FBN2: variants seen among roughly 807,000 people sequenced by gnomAD.
FBN2 encodes the protein fibrillin 2, also known as fibrillin-2.
In FBN2, 105 loss-of-function variants were observed where a neutral mutation model predicts 355.6. That is an observed-to-expected ratio of 0.30 (90% confidence interval 0.25 to 0.35). FBN2 has a LOEUF of 0.35. Ranked by LOEUF, FBN2 falls within the 10% of genes least tolerant of loss-of-function variation. The pLI is 1.00. For missense variants in FBN2, 3,280 were observed against 3,758.7 expected (o/e 0.87, Z 3.33); for synonymous variants, 1,350 against 1,301.2 (o/e 1.04, Z -0.81).
In FBN2 at chr5:128,482,602, A is replaced by G. The variant is rs545854534; in HGVS notation, c.629-17681T>C. On this transcript the variant is annotated intron_variant, in intron 5 of 64. Coordinates refer to ENST00000262464, the MANE Select transcript of FBN2 (RefSeq NM_001999.4). ...GAGGTGGAGTTTATGGGGAGCTATC[A>G]TTTTTTGCATGTGTGTCTGCATTTA... Among the ~76,000 whole-genome samples, 34 of 152,132 alleles carry G rather than the reference A, an allele frequency of 2.2e-4. 1 individual carries two copies. In the Middle Eastern group the frequency reaches 0.024, roughly 107 times the overall value.
At chr5:128,458,524 T>G (rs1267950163) in intron 6 of FBN2, among the ~76,000 whole-genome samples, 2 of 151,572 alleles carry the variant, frequency 1.3e-5, no homozygotes, top group Non-Finnish European at 2.9e-5. Context: ...CAGTGCCACT[T>G]ATTCTAAAAT....
intron 8 of FBN2, 105 bp downstream of exon 8, chr5:128,408,569 G>T: frequency 7.5e-7 from 1 of 1,331,554 alleles, no homozygotes; most frequent in South Asian, 1.2e-5. Flanking sequence ...AACTCATTCA[G>T]CCATTTCTTC....
intron 8 of FBN2, among the ~76,000 whole-genome samples, chr5:128,396,642 C>T (rs1752657404): frequency 6.6e-6 from 1 of 152,194 alleles, no homozygotes; most frequent in South Asian, 2.1e-4. Context: ...ATGATGATTG[C>T]AAAAGACTGC....
rs773597432 is a variant in FBN2 at position 128,311,895 on chromosome 5, G to A, written c.4938C>T (p.Ile1646=). Residue 1646 remains isoleucine (I), a synonymous_variant, in exon 38 of 65, where the codon ATC becomes ATT. Coordinates refer to ENST00000262464, the MANE Select transcript of FBN2 (RefSeq NM_001999.4). ...ATGGGATTAGCTCACCTTCTAAAAT[G>A]ATTGTGATGGGGTTAGGTCTGAAGC... ...GEGFRPNPIT[I]ILEDIDECQE... The A allele has an allele frequency of 2.5e-6, 4 of 1,608,606 alleles. No homozygotes were observed. Among genetic ancestry groups the A allele is most frequent in the Non-Finnish European group, 3.4e-6 (4 of 1,175,110 alleles).
intron 11 of FBN2, among the ~76,000 whole-genome samples, chr5:128,379,183 A>G (rs913046830): frequency 1.3e-5 from 2 of 152,200 alleles, no homozygotes; most frequent in African/African-American, 2.4e-5. Flanking sequence ...TGCCCTGAAA[A>G]GAGAAATAGG....
chr5:128,285,388 T>A (rs1008415794), intron 55 of FBN2, among the ~76,000 whole-genome samples: 5 of 152,164 alleles, frequency 3.3e-5, no homozygotes, highest in Non-Finnish European at 2.9e-5. Context: ...TTTGTGATGA[T>A]CAAAAAAATT....
In FBN2 at chr5:128,278,626, A is replaced by G. The variant is rs1212635601; in HGVS notation, c.7345+9T>C. The stretch of plus-strand genomic sequence containing the variant: ...TTGATTATATGAATAAATTTCCTCA[A>G]CTCCTTACCTCTTCCATCAGTTGTA... On this transcript the variant is annotated intron_variant, in intron 57 of 64. Coordinates refer to ENST00000262464, the MANE Select transcript of FBN2 (RefSeq NM_001999.4). 20 of 1,612,142 alleles carry G rather than the reference A, an allele frequency of 1.2e-5. No individual in the cohort carries two copies. The highest frequency in any genetic ancestry group is 1.6e-5 in the Non-Finnish European group (19 of 1,178,350).
chr5:128,310,357 C>T (rs1750000176), intron 39 of FBN2, among the ~76,000 whole-genome samples: 1 of 127,272 alleles, frequency 7.9e-6, no homozygotes, highest in Non-Finnish European at 1.6e-5. Context: ...AAAATAATTT[C>T]CTTGGCACAT....
Position 128,408,787 on chromosome 5 carries a change from C to T in FBN2, c.965G>A (p.Cys322Tyr). ...TTCACATATCCCAGGAATGATGCTG[C>T]ACTCATCAATGTCTAATCAAGGGAA... The part of the protein sequence containing the change: ...TTQKCEDIDE[C>Y]SIIPGICETG... Residue 322 changes from cysteine to tyrosine, a missense_variant, in exon 8 of 65, where the codon TGC becomes TAC. Physicochemically the swap from Cys to Tyr is radical, Grantham distance 194. Transcript: ENST00000262464. 6.2e-7 allele frequency: 1 copy of T among 1,613,920 alleles called. No homozygotes were observed. Among genetic ancestry groups the T allele is most frequent in the Non-Finnish European group, 8.5e-7 (1 of 1,179,828 alleles).
rs752508087 is a variant in FBN2, at chr5:128,307,188, A to G, written c.5369T>C (p.Ile1790Thr). The change falls in exon 42 of 65, where the codon ATA becomes ACA. Residue 1790 changes from isoleucine (I) to threonine (T), a missense_variant. Ile to Thr is a moderately conservative substitution (Grantham distance 89). This residue lies in a region of FBN2 where 2,284 missense variants were observed against 2,749.5 expected (regional missense o/e 0.83). Coordinates refer to ENST00000262464, the MANE Select transcript of FBN2 (RefSeq NM_001999.4). Reference protein sequence around the residue: ...PTPGTADFKTICGNIPGFTFD... With the variant: ...PTPGTADFKTTCGNIPGFTFD... ...GGTGAATCCAGGAATATTTCCACAT[A>G]TGGTTTTAAAGTCAGCTTTAAAATA... is the stretch of plus-strand genomic sequence containing the variant. 1.2e-6 allele frequency: 2 copies of G among 1,607,658 alleles called. No homozygotes were observed. The highest frequency in any genetic ancestry group is 1.7e-5 in the Admixed American group (1 of 60,000).
At chr5:128,403,478 C>T (rs1394247381) in intron 8 of FBN2, among the ~76,000 whole-genome samples, 2 of 152,176 alleles carry the variant, frequency 1.3e-5, no homozygotes, top group East Asian at 3.9e-4. Flanking sequence ...ACAATAGCAG[C>T]AGACACATTA....
intron 8 of FBN2, among the ~76,000 whole-genome samples, chr5:128,402,982 T>A (rs899106784): frequency 2.0e-5 from 3 of 152,228 alleles, no homozygotes; most frequent in African/African-American, 7.2e-5. Context: ...TAAGGAAAAC[T>A]TCTCCTTCTA....
At chr5:128,310,402 ATTTT>A (rs199690802) in intron 39 of FBN2, among the ~76,000 whole-genome samples, 95 of 23,152 alleles carry the variant, frequency 4.1e-3, no homozygotes, top group South Asian at 1.0e-2. Context: ...ATATATATAT[ATTTT>A]TTTTTTTTTT....
rs1039206568 is a variant in FBN2 at position 128,528,597 on chromosome 5, G to T, written c.437-630C>A. On this transcript the variant is annotated intron_variant, in intron 3 of 64. Coordinates refer to ENST00000262464, the MANE Select transcript of FBN2 (RefSeq NM_001999.4). ...CAGCAAATCAAAAGACCTTAGGATG[G>T]TAAAAGGTTTCTTCTGAAGAATGGA... Among the ~76,000 whole-genome samples the T allele has an allele frequency of 3.3e-5, 5 of 152,258 alleles. No homozygotes were observed. The East Asian group carries it at 9.7e-4, about 29-fold the overall frequency.
intron 6 of FBN2, 56 bp from the exon 7 acceptor site, chr5:128,446,662 C>T: frequency 6.4e-7 from 1 of 1,570,960 alleles, no homozygotes; most frequent in Non-Finnish European, 8.7e-7. Flanking sequence ...AATATCTATA[C>T]TTTTTTTTAC....
Position 128,393,166 on chromosome 5 carries a change from G to A in FBN2, c.1434C>T (p.Ala478=), listed in dbSNP as rs755786214. ...SPGVGGAGVG[A]GGQGPIITGL... ...CAGTGATGATAGGTCCCTGTCCCCC[G>A]GCCCCCACACCGGCTCCCCCAACGC... The change falls in exon 10 of 65, where the codon GCC becomes GCT. Residue 478 remains alanine (A), a synonymous_variant. Transcript: ENST00000262464. 118 of 1,613,994 alleles carry A rather than the reference G, an allele frequency of 7.3e-5. No homozygotes were observed. Among genetic ancestry groups the A allele is most frequent in the Middle Eastern group, 1.7e-4 (1 of 6,060 alleles).
chr5:128,404,980 T>C (rs1752889304), intron 8 of FBN2, among the ~76,000 whole-genome samples: 1 of 152,114 alleles, frequency 6.6e-6, no homozygotes, highest in Non-Finnish European at 1.5e-5. Flanking sequence ...GAGACCAGCC[T>C]GGCCCACACA....
intron 7 of FBN2, among the ~76,000 whole-genome samples, chr5:128,422,628 T>C (rs1314616711): frequency 1.3e-5 from 2 of 152,146 alleles, no homozygotes; most frequent in Non-Finnish European, 2.9e-5. Flanking sequence ...CTGGAACATT[T>C]TGCTCTGGAA....
intron 7 of FBN2, among the ~76,000 whole-genome samples, chr5:128,435,937 G>T (rs777097920): frequency 6.6e-6 from 1 of 152,084 alleles, no homozygotes; most frequent in Non-Finnish European, 1.5e-5. Flanking sequence ...CTCAAATAAA[G>T]AACTCTTTCT....
Sources: gnomAD v4.1 joint callset for allele counts (sites outside exome capture counted in the v4.1 genomes callset) on GRCh38, gnomAD v4.1.1 for gene constraint, gnomAD v4.1.1 regional missense constraint, MANE v1.5 for transcripts, NCBI Gene and HGNC (gene_info 2026-07-23, HGNC 2026-07-21) for gene names.